Variants in LPIN1 observed in about 807,000 individuals in gnomAD.
LPIN1 encodes lipin 1.
Under a neutral mutation model 107.5 loss-of-function variants are expected in LPIN1, and 71 were observed. That is an observed-to-expected ratio of 0.66 (90% CI 0.55 to 0.80). The LOEUF (loss-of-function observed/expected upper bound fraction) is 0.80, where lower values mean the gene tolerates loss of function less well. Among genes scored for constraint, LPIN1 ranks in the 30% least tolerant of loss-of-function variants. The pLI is 0.00. For missense variants in LPIN1, 1,043 were observed against 1,160.6 expected (o/e 0.90, Z 1.47); for synonymous variants, 445 against 452.6 (o/e 0.98, Z 0.21).
chr2:11,746,670 C>G lies in LPIN1; in HGVS notation c.-11C>G, dbSNP rs576446683. 1.7e-5 allele frequency: 17 copies of G among 984,626 alleles called. No individual in the cohort carries two copies. The highest frequency in any genetic ancestry group is 2.0e-5 in the Non-Finnish European group (17 of 829,448). 61.0% of individuals were successfully genotyped at this position (984,626 alleles called of 1,614,324 possible). ...AAAGGCGGCCACGCGCGGCGCCGCTCGGTGAGTAGCCGCCGCCTCCAGCCT... is the reference window on the plus strand; with the variant it reads ...AAAGGCGGCCACGCGCGGCGCCGCTGGGTGAGTAGCCGCCGCCTCCAGCCT... On this transcript the variant is annotated splice_region_variant and 5_prime_UTR_variant, in exon 1 of 21. Transcript: ENST00000674199.
At chr2:11,756,450 G>A (rs749901544) in intron 1 of LPIN1, among the ~76,000 whole-genome samples, 1 of 152,000 alleles carries the variant, frequency 6.6e-6, no homozygotes, top group Non-Finnish European at 1.5e-5. Context: ...GTACAATGAC[G>A]TGATCTCAGC....
chr2:11,712,564 C>A (rs1432262572), intron 1 of LPIN1, among the ~76,000 whole-genome samples: 1 of 152,150 alleles, frequency 6.6e-6, no homozygotes, highest in Admixed American at 6.5e-5. Context: ...TAGAGCTATT[C>A]TATGTCATGA....
chr2:11,751,226 ACCTT>A (rs1667741300), intron 1 of LPIN1, among the ~76,000 whole-genome samples: 1 of 152,160 alleles, frequency 6.6e-6, no homozygotes, highest in African/African-American at 2.4e-5. Flanking sequence ...CACTCATCTG[ACCTT>A]CCCTCCAAAG....
upstream of LPIN1, chr2:11,746,604 G>A: frequency 1.0e-6 from 1 of 985,148 alleles, no homozygotes; most frequent in South Asian, 4.7e-5. Flanking sequence ...CCGAAGGCGA[G>A]CTGCGCTGAC....
Position 11,736,558 on chromosome 2 carries a change from T to C in LPIN1, c.-71-4791T>C, listed in dbSNP as rs185634362. Among the ~76,000 whole-genome samples the C allele has an allele frequency of 7.2e-5, 11 of 152,338 alleles. No individual in the cohort carries two copies. The East Asian group carries it at 1.9e-3, about 27-fold the overall frequency. ...CAGTGGGGACTAGGGTTTCAACAGATGAATTTTGGGGGGCACAAAGATTCA... is the reference window on the plus strand; with the variant it reads ...CAGTGGGGACTAGGGTTTCAACAGACGAATTTTGGGGGGCACAAAGATTCA... On this transcript the variant is annotated intron_variant, in intron 1 of 21. Transcript: ENST00000396097.
At chr2:11,703,854 TG>T (rs890597270) in intron 1 of LPIN1, among the ~76,000 whole-genome samples, 2 of 152,200 alleles carry the variant, frequency 1.3e-5, no homozygotes, top group African/African-American at 4.8e-5. Context: ...CATGATTTAA[TG>T]GGTCAGGAAT....
chr2:11,731,267 C>T (rs1320182479), intron 1 of LPIN1, among the ~76,000 whole-genome samples: 20 of 152,022 alleles, frequency 1.3e-4, no homozygotes, highest in Non-Finnish European at 1.5e-5. Context: ...GTGTTGTTCC[C>T]CTCCCTGTGT....
At chr2:11,759,973 GC>G (rs1669465142) in intron 1 of LPIN1, among the ~76,000 whole-genome samples, 1 of 148,504 alleles carries the variant, frequency 6.7e-6, no homozygotes, top group African/African-American at 2.5e-5. Flanking sequence ...CGGGGTGGCT[GC>G]CGGGCGGAGG....
chr2:11,780,765 ATTG>A (rs1292424262), intron 7 of LPIN1, among the ~76,000 whole-genome samples: 2 of 152,184 alleles, frequency 1.3e-5, no homozygotes, highest in Non-Finnish European at 2.9e-5. Flanking sequence ...AAATGACAGA[ATTG>A]TTGTGAGGTT....
intron 13 of LPIN1, among the ~76,000 whole-genome samples, chr2:11,795,122 A>G (rs1676432686): frequency 6.6e-6 from 1 of 152,226 alleles, no homozygotes; most frequent in Non-Finnish European, 1.5e-5. Flanking sequence ...CATAAGCTAC[A>G]GTGATGATGG....
chr2:11,741,954 T>A (rs1473100623), upstream of LPIN1: 1 of 152,226 alleles, frequency 6.6e-6, no homozygotes. Context: ...ACTGGTAAAG[T>A]GATTTGATAT....
intron 2 of LPIN1, among the ~76,000 whole-genome samples, chr2:11,718,335 C>G (rs1216558657): frequency 6.6e-6 from 1 of 152,116 alleles, no homozygotes; most frequent in Admixed American, 6.5e-5. Flanking sequence ...TCAAGTGATT[C>G]ACCTGCCTTA....
chr2:11,720,896 G>A (rs1047606411), upstream of LPIN1, among the ~76,000 whole-genome samples: 11 of 151,924 alleles, frequency 7.2e-5, no homozygotes, highest in Non-Finnish European at 1.3e-4. Context: ...ATGAAGCAAG[G>A]TGCGAGAGAA....
chr2:11,680,612 G>C (rs1382900405), intron 1 of LPIN1, among the ~76,000 whole-genome samples: 1 of 152,218 alleles, frequency 6.6e-6, no homozygotes, highest in Non-Finnish European at 1.5e-5. Flanking sequence ...GGAGGAATAG[G>C]ATTTCAATAA....
rs1447907978 is a variant in LPIN1 at position 11,786,333 on chromosome 2, T to C, written c.1550-741T>C. ...GGGTTTCGGTTCGGTTCAGGGTAAA[T>C]AGGAGCTCCCAGGGAAGGAGTGGGC... is the stretch of plus-strand genomic sequence containing the variant. On this transcript the variant is annotated intron_variant, in intron 10 of 20. Coordinates refer to ENST00000674199, the MANE Select transcript of LPIN1 (RefSeq NM_001349206.2). This position sits in a 1 kb window ranked among gnomAD's most constrained non-coding sequence, Gnocchi z 4.1. Among the ~76,000 whole-genome samples the C allele has an allele frequency of 6.6e-6, 1 of 152,004 alleles. No individual in the cohort carries two copies. Among genetic ancestry groups the C allele is most frequent in the East Asian group, 1.9e-4 (1 of 5,170 alleles).
intron 1 of LPIN1, among the ~76,000 whole-genome samples, chr2:11,727,273 CCATT>C (rs761655875): frequency 1.3e-5 from 2 of 152,154 alleles, no homozygotes; most frequent in South Asian, 2.1e-4. Flanking sequence ...AGCGTCTTCA[CCATT>C]CATTGTTTTA....
intron 14 of LPIN1, among the ~76,000 whole-genome samples, chr2:11,802,503 A>G (rs896011843): frequency 2.9e-4 from 44 of 152,136 alleles, no homozygotes; most frequent in African/African-American, 1.1e-3. Context: ...TAGGGAACTG[A>G]TGGATGAGTG....
intron 1 of LPIN1, among the ~76,000 whole-genome samples, chr2:11,738,385 TAA>T (rs559141592): frequency 2.4e-4 from 32 of 134,302 alleles, no homozygotes; most frequent in African/African-American, 4.6e-4. Context: ...AAGGTATAAT[TAA>T]AAAAAAAAAA....
At chr2:11,778,450 CTGTT>C (rs1673025077) in intron 6 of LPIN1, among the ~76,000 whole-genome samples, 2 of 152,184 alleles carry the variant, frequency 1.3e-5, no homozygotes, top group South Asian at 4.1e-4. Flanking sequence ...CACAAGGTCC[CTGTT>C]TGTTGGATAC....
Sources: gnomAD v4.1 joint callset for allele counts (sites outside exome capture counted in the v4.1 genomes callset) on GRCh38, gnomAD v4.1.1 for gene constraint, Gnocchi (gnomAD v3.1) non-coding constraint, MANE v1.5 for transcripts, NCBI Gene and HGNC (gene_info 2026-07-23, HGNC 2026-07-21) for gene names.